The following BCL11A variants were observed in gnomAD, a reference collection of about 807,000 sequenced individuals.
The protein encoded by BCL11A is B cell CLL/lymphoma 11A.
A neutral mutation model predicts 55.9 loss-of-function variants in BCL11A; 2 were observed. That is an observed-to-expected ratio of 0.04 (90% CI 0.01 to 0.11). The LOEUF is 0.11. Ranked by LOEUF, BCL11A falls within the 10% of genes least tolerant of loss-of-function variation. The pLI, the probability that BCL11A is intolerant of heterozygous loss-of-function variation, is 1.00. For synonymous variants in BCL11A, 465 were observed against 473.4 expected, an observed-to-expected ratio of 0.98 and a Z score of 0.23; for missense variants, 817 against 1,137.1, an observed-to-expected ratio of 0.72 and a Z score of 4.05.
At chr2:60,551,839 G>A (rs562022897) in intron 1 of BCL11A, among the ~76,000 whole-genome samples, 13 of 150,572 alleles carry the variant, frequency 8.6e-5, no homozygotes, top group African/African-American at 3.1e-4. Context: ...GGCAAGGCCC[G>A]GGCGAGGCCA....
chr2:60,516,170 T>C (rs1668719567), intron 2 of BCL11A, among the ~76,000 whole-genome samples: 1 of 152,198 alleles, frequency 6.6e-6, no homozygotes. Flanking sequence ...ATGCTTTTCA[T>C]ATCATCCTAC....
chr2:60,502,403 C>T (rs1337160186), intron 2 of BCL11A, among the ~76,000 whole-genome samples: 1 of 152,232 alleles, frequency 6.6e-6, no homozygotes, highest in Non-Finnish European at 1.5e-5. Flanking sequence ...CCTAATAAAA[C>T]TGCACAGACA....
chr2:60,491,331 G>A (rs755296168), intron 2 of BCL11A, among the ~76,000 whole-genome samples: 6 of 152,166 alleles, frequency 3.9e-5, no homozygotes, highest in African/African-American at 7.2e-5. Flanking sequence ...GACACTTTTG[G>A]CCCCCTTCAG....
chr2:60,454,963 T>G (rs574383055), downstream of BCL11A, among the ~76,000 whole-genome samples: 6 of 152,358 alleles, frequency 3.9e-5, no homozygotes, highest in East Asian at 1.2e-3. Context: ...CCATGGCCAG[T>G]GCAAATGAAG....
At chr2:60,463,295 T>C (rs1293279647) in intron 3 of BCL11A, among the ~76,000 whole-genome samples, 1 of 152,234 alleles carries the variant, frequency 6.6e-6, no homozygotes, top group Non-Finnish European at 1.5e-5. Flanking sequence ...TGGTGCCGAC[T>C]TAAGCAGACA....
chr2:60,463,595 T>C (rs918358411), intron 3 of BCL11A, among the ~76,000 whole-genome samples: 3 of 152,212 alleles, frequency 2.0e-5, no homozygotes, highest in Non-Finnish European at 4.4e-5. Flanking sequence ...AATGCCACTT[T>C]GGCAAAGAAG....
At position 60,461,539 on chromosome 2, in the gene BCL11A, C is replaced by T; in HGVS notation, c.1373G>A (p.Ser458Asn). 6.2e-7 allele frequency: 1 copy of T among 1,609,860 alleles called. No homozygotes were observed. Among genetic ancestry groups the T allele is most frequent in the Non-Finnish European group, 8.5e-7 (1 of 1,180,000 alleles). ...CACGGACTTGAGCGCGCTGCTGGCG[C>T]TGCCCACCAAGTCGCTGGTGCCGGG... The part of the protein sequence containing the change: ...PEPGTSDLVG[S>N]ASSALKSVVA... Residue 458 changes from serine to asparagine, a missense_variant, in exon 4 of 4, where the codon AGC becomes AAC. Physicochemically the swap from Ser to Asn is conservative, Grantham distance 46. Transcript: ENST00000642384.
At chr2:60,535,561 T>A (rs1669632917) in intron 2 of BCL11A, 1 of 152,266 alleles carries the variant, frequency 6.6e-6, no homozygotes, top group South Asian at 2.1e-4. Context: ...CCCCCTCAAG[T>A]TGTCTCTCCT....
At position 60,460,972 on chromosome 2, in the gene BCL11A, G is replaced by A; in HGVS notation, c.1940C>T (p.Ala647Val). The part of the protein sequence containing the change: ...KLEKEFDLPP[A>V]AMPNTENVYS... Reference sequence around the variant, plus strand: ...CACGTTCTCCGTGTTGGGCATCGCGGCCGGGGGCAGGTCGAACTCCTTCTC... The same window carrying A: ...CACGTTCTCCGTGTTGGGCATCGCGACCGGGGGCAGGTCGAACTCCTTCTC... Residue 647 changes from alanine (A) to valine (V), a missense_variant, in exon 4 of 4, where the codon GCC (alanine) becomes GTC (valine). This residue lies in a region of BCL11A where 379 missense variants were observed against 425.3 expected (regional missense o/e 0.89). Coordinates refer to ENST00000642384, the MANE Select transcript of BCL11A (RefSeq NM_022893.4). 1 of 1,610,326 alleles carries A rather than the reference G, an allele frequency of 6.2e-7. No individual in the cohort carries two copies.
chr2:60,467,915 GTGGTGGTGGTGGTAGTGA>G (rs1466848539), intron 3 of BCL11A, among the ~76,000 whole-genome samples: 2 of 128,424 alleles, frequency 1.6e-5, no homozygotes, highest in Middle Eastern at 4.2e-3. Flanking sequence ...AATGGTGGTG[GTGGTGGTGGTGGTAGTGA>G]TGGTGGTGGT....
At chr2:60,473,253 T>C (rs948020236) in intron 2 of BCL11A, among the ~76,000 whole-genome samples, 3 of 152,024 alleles carry the variant, frequency 2.0e-5, no homozygotes, top group Admixed American at 1.3e-4. Flanking sequence ...TTTTTTTTTT[T>C]TTCAGTGAGA....
chr2:60,459,528 GTCA>G lies in BCL11A; in HGVS notation c.*873_*875del. ...ATGATGATTAACTAGGACATAATGGGTCATCTTTTTAGGTAGCCATTGTTGTGA... is the reference window on the plus strand; with the variant it reads ...ATGATGATTAACTAGGACATAATGGGTCTTTTTAGGTAGCCATTGTTGTGA... On this transcript the variant is annotated 3_prime_UTR_variant, in exon 4 of 4. Transcript: ENST00000642384. 1 of 1,023,782 alleles carries G rather than the reference GTCA, an allele frequency of 9.8e-7. No individual in the cohort carries two copies. The highest frequency in any genetic ancestry group is 6.4e-5 in the East Asian group (1 of 15,624). 63.4% of individuals were successfully genotyped at this position (1,023,782 alleles called of 1,614,324 possible). A position where few individuals can be genotyped will look rare whatever the true frequency, so the allele number is the denominator to read the frequency against.
chr2:60,547,790 A>G (rs1364968322), intron 1 of BCL11A, among the ~76,000 whole-genome samples: 1 of 152,204 alleles, frequency 6.6e-6, no homozygotes. Flanking sequence ...GAGGGGGAAG[A>G]TCTGGAGTAA....
intron 2 of BCL11A, among the ~76,000 whole-genome samples, chr2:60,479,553 G>A (rs948582817): frequency 1.3e-5 from 2 of 152,176 alleles, no homozygotes; most frequent in African/African-American, 2.4e-5. Flanking sequence ...TGGGTAGAAA[G>A]CCCCCTCTGT....
chr2:60,487,404 G>A (rs974621090), intron 2 of BCL11A, among the ~76,000 whole-genome samples: 2 of 151,598 alleles, frequency 1.3e-5, no homozygotes, highest in Non-Finnish European at 2.9e-5. Context: ...GGGCAGTTAC[G>A]TTTTCGTCAT....
At position 60,467,193 on chromosome 2, in the gene BCL11A, TGGTGGTGATGGC is replaced by T. The variant is rs1168777931; in HGVS notation, c.487+1527_487+1538del. ...ATGGTGGTGGTGGTGGTGGTGATGGTGGTGGTGATGGCGGTGATGGTACTGGTGATGGTGGTG... is the reference window on the plus strand; with the variant it reads ...ATGGTGGTGGTGGTGGTGGTGATGGTGGTGATGGTACTGGTGATGGTGGTG... On this transcript the variant is annotated intron_variant, in intron 3 of 3. Coordinates refer to ENST00000642384, the MANE Select transcript of BCL11A (RefSeq NM_022893.4). Among the ~76,000 whole-genome samples the T allele has an allele frequency of 6.4e-4, 92 of 142,786 alleles. 1 individual carries two copies. Among genetic ancestry groups the T allele is most frequent in the South Asian group, 3.8e-3 (16 of 4,250 alleles). The allele number at this position is 142,786 out of a possible 152,430, so 93.7% of individuals were successfully genotyped here. A position where few individuals can be genotyped will look rare whatever the true frequency, so the allele number is the denominator to read the frequency against.
chr2:60,467,071 AGTGGTG>A (rs1190100497), intron 3 of BCL11A, among the ~76,000 whole-genome samples: 7 of 137,936 alleles, frequency 5.1e-5, no homozygotes, highest in African/African-American at 1.3e-4. Context: ...TGGTGGTGGC[AGTGGTG>A]GTGGTGGTGG....
chr2:60,469,225 A>G (rs531963041), intron 2 of BCL11A, among the ~76,000 whole-genome samples: 1 of 152,368 alleles, frequency 6.6e-6, no homozygotes, highest in African/African-American at 2.4e-5. Context: ...GCTGGTTTAC[A>G]TGCATACATT....
chr2:60,453,453 G>GC (rs1675808625), downstream of BCL11A, among the ~76,000 whole-genome samples: 1 of 152,212 alleles, frequency 6.6e-6, no homozygotes, highest in African/African-American at 2.4e-5. Flanking sequence ...CGAAGCAGGG[G>GC]CCTGGGGCCT....
Sources: gnomAD v4.1 joint callset for allele counts (sites outside exome capture counted in the v4.1 genomes callset) on GRCh38, gnomAD v4.1.1 for gene constraint, gnomAD v4.1.1 regional missense constraint, MANE v1.5 for transcripts, NCBI Gene and HGNC (gene_info 2026-07-23, HGNC 2026-07-21) for gene names.